Variants in DAPK2 observed in about 807,000 individuals in gnomAD.
The protein encoded by DAPK2 is death associated protein kinase 2, also known as death-associated protein kinase 2.
A neutral mutation model predicts 44.1 loss-of-function variants in DAPK2; 35 were observed. That is an observed-to-expected ratio of 0.79 (90% CI 0.61 to 1.05). The LOEUF is 1.05. Among genes scored for constraint, DAPK2 ranks in the 50% least tolerant of loss-of-function variants. The pLI is 0.00. For synonymous variants in DAPK2, 174 were observed against 182.6 expected, an observed-to-expected ratio of 0.95 and a Z score of 0.38; for missense variants, 453 against 483.2, an observed-to-expected ratio of 0.94 and a Z score of 0.59.
intron 8 of DAPK2, 26 bp downstream of exon 9, chr15:63,924,790 A>G (rs2079191307): frequency 1.9e-6 from 3 of 1,613,850 alleles, no homozygotes; most frequent in Non-Finnish European, 2.5e-6. Flanking sequence ...CCCTTTGCCC[A>G]TTGGAACTCA....
intron 3 of DAPK2, among the ~76,000 whole-genome samples, chr15:63,952,492 A>G (rs1267747539): frequency 6.6e-6 from 1 of 152,136 alleles, no homozygotes; most frequent in Non-Finnish European, 1.5e-5. Context: ...GCCCGGGGCT[A>G]GGTTTTGGAG....
At chr15:64,033,240 A>T (rs2080068705) in intron 1 of DAPK2, among the ~76,000 whole-genome samples, 1 of 123,572 alleles carries the variant, frequency 8.1e-6, no homozygotes, top group Non-Finnish European at 1.7e-5. Context: ...AGCCTGAGTA[A>T]CAGAGAGACC....
intron 1 of DAPK2, among the ~76,000 whole-genome samples, chr15:63,999,987 GAACTCCTGGGCTCA>G (rs574189348): frequency 6.6e-6 from 1 of 151,894 alleles, no homozygotes; most frequent in African/African-American, 2.4e-5. Flanking sequence ...GGCTGGTCTC[GAACTCCTGGGCTCA>G]AACTCCTGGG....
intron 3 of DAPK2, among the ~76,000 whole-genome samples, chr15:63,955,685 A>G (rs1489022164): frequency 1.3e-5 from 2 of 152,078 alleles, no homozygotes; most frequent in Non-Finnish European, 2.9e-5. Context: ...CTCCCATCTC[A>G]GCCTCCCAAC....
At chr15:64,037,257 G>C (rs1293962307) in intron 1 of DAPK2, among the ~76,000 whole-genome samples, 1 of 152,146 alleles carries the variant, frequency 6.6e-6, no homozygotes, top group Non-Finnish European at 1.5e-5. Flanking sequence ...GGCCACACTG[G>C]CCTCCTGCGG....
intron 1 of DAPK2, among the ~76,000 whole-genome samples, chr15:63,994,460 A>AGGAAGGAG (rs1219720181): frequency 7.3e-6 from 1 of 136,278 alleles, no homozygotes; most frequent in African/African-American, 2.8e-5. Context: ...GAAGGAAGGA[A>AGGAAGGAG]GGAAGGAAAC....
intron 10 of DAPK2, chr15:63,910,653 A>C (rs1347630570): frequency 1.3e-5 from 2 of 152,284 alleles, no homozygotes; most frequent in African/African-American, 2.4e-5. Context: ...TGATCCTCCC[A>C]CCTCAGCTCC....
chr15:63,994,223 C>A (rs1238911442), intron 1 of DAPK2, among the ~76,000 whole-genome samples: 2 of 152,042 alleles, frequency 1.3e-5, no homozygotes, highest in East Asian at 3.9e-4. Context: ...CAGCACCCGG[C>A]ACAAAACAGG....
chr15:64,042,380 A>C (rs2080371934), upstream of DAPK2, among the ~76,000 whole-genome samples: 1 of 152,104 alleles, frequency 6.6e-6, no homozygotes, highest in Non-Finnish European at 1.5e-5. The surrounding 1 kb of genome is among the most constrained non-coding windows in gnomAD (Gnocchi z 4.7). Context: ...CCAAATAAAC[A>C]ATTTGGGTCA....
chr15:64,030,448 C>G (rs955259540), intron 1 of DAPK2, among the ~76,000 whole-genome samples: 5 of 152,112 alleles, frequency 3.3e-5, no homozygotes, highest in African/African-American at 1.2e-4. Flanking sequence ...GGGCCATAGT[C>G]CTGTGGCTAC....
intron 10 of DAPK2, chr15:63,910,841 A>G (rs1010449807): frequency 4.6e-5 from 7 of 152,268 alleles, no homozygotes; most frequent in Admixed American, 6.5e-5. Context: ...TATAGGCACG[A>G]ACCACTACTG....
At chr15:63,950,006 T>C (rs2077546335) in intron 3 of DAPK2, among the ~76,000 whole-genome samples, 1 of 152,232 alleles carries the variant, frequency 6.6e-6, no homozygotes, top group Admixed American at 6.5e-5. Flanking sequence ...TGATAGAAAC[T>C]CTTTGGTCTG....
In DAPK2 at chr15:63,907,912, G is replaced by T. The variant is rs560041444; in HGVS notation, c.*608C>A. 3.3e-5 allele frequency: 5 copies of T among 152,424 alleles called. No homozygotes were observed. In the East Asian group the frequency reaches 7.7e-4, roughly 24 times the overall value. 9.4% of individuals were successfully genotyped at this position (152,424 alleles called of 1,614,324 possible). Reference sequence around the variant, plus strand: ...AAATGAGATGGGGGTAGCCCTAAAAGAAGCCAAGCATCAGGTAAACCAGAA... The same window carrying T: ...AAATGAGATGGGGGTAGCCCTAAAATAAGCCAAGCATCAGGTAAACCAGAA... On this transcript the variant is annotated 3_prime_UTR_variant, in exon 11 of 11. Transcript: ENST00000261891.
intron 4 of DAPK2, among the ~76,000 whole-genome samples, chr15:63,934,830 G>C (rs1418960557): frequency 6.6e-6 from 1 of 152,166 alleles, no homozygotes; most frequent in Non-Finnish European, 1.5e-5. Context: ...AAAAAGCTGG[G>C]ATTACAGGCG....
intron 3 of DAPK2, among the ~76,000 whole-genome samples, chr15:63,962,841 A>G (rs1015728164): frequency 2.6e-5 from 4 of 152,198 alleles, no homozygotes; most frequent in Admixed American, 6.5e-5. Flanking sequence ...TCAGATCTCA[A>G]ACTCCATGCT....
intron 6 of DAPK2, among the ~76,000 whole-genome samples, chr15:63,926,530 G>A (rs867005715): frequency 6.6e-6 from 1 of 152,170 alleles, no homozygotes; most frequent in Non-Finnish European, 1.5e-5. Context: ...GAAGGAGACG[G>A]AAAGGCCTTC....
chr15:63,992,895 C>T (rs1036078957), intron 1 of DAPK2, among the ~76,000 whole-genome samples: 1 of 152,192 alleles, frequency 6.6e-6, no homozygotes, highest in African/African-American at 2.4e-5. Flanking sequence ...ATAGCCTGGG[C>T]AAAGCCCAGG....
At chr15:63,987,589 T>C (rs1477463255) in intron 1 of DAPK2, among the ~76,000 whole-genome samples, 2 of 152,156 alleles carry the variant, frequency 1.3e-5, no homozygotes, top group African/African-American at 4.8e-5. Context: ...GCCCGATTCC[T>C]CGTCCTAATC....
intron 1 of DAPK2, among the ~76,000 whole-genome samples, chr15:64,037,162 T>G (rs2080233916): frequency 6.6e-6 from 1 of 152,184 alleles, no homozygotes; most frequent in Admixed American, 6.5e-5. Flanking sequence ...CCACTCTGTG[T>G]TGGCAGGGAA....
Sources: gnomAD v4.1 joint callset for allele counts (sites outside exome capture counted in the v4.1 genomes callset) on GRCh38, gnomAD v4.1.1 for gene constraint, Gnocchi (gnomAD v3.1) non-coding constraint, MANE v1.5 for transcripts, NCBI Gene and HGNC (gene_info 2026-07-23, HGNC 2026-07-21) for gene names.